RYR3: variants seen among roughly 807,000 people sequenced by gnomAD.
The protein encoded by RYR3 is brain ryanodine receptor-calcium release channel.
Under a neutral mutation model 584.3 loss-of-function variants are expected in RYR3, and 207 were observed. The observed-to-expected ratio is 0.35, with a 90% CI of 0.32 to 0.40. RYR3 has a LOEUF of 0.40. Among genes scored for constraint, RYR3 ranks in the 10% least tolerant of loss-of-function variants. RYR3 has a pLI of 1.00. For synonymous variants in RYR3, 2,416 were observed against 2,248.5 expected (o/e 1.07, Z -2.11); for missense variants, 5,616 against 6,089.2 (o/e 0.92, Z 2.59).
intron 43 of RYR3, among the ~76,000 whole-genome samples, chr15:33,708,604 C>T (rs1322265291): frequency 6.6e-6 from 1 of 152,202 alleles, no homozygotes; most frequent in East Asian, 1.9e-4. Context: ...CTCTGGCAAA[C>T]TGGCCCATCA....
Position 33,742,352 on chromosome 15 carries a change from TC to T in RYR3, c.7821-12del. ...TGCTTGGGGAGGTTGTAATTTTTTT[TC>T]CTCATTTCACAGTTTTTCCTTGCCT... On this transcript the variant is annotated splice_polypyrimidine_tract_variant and intron_variant, in intron 51 of 103. Coordinates refer to ENST00000634891, the MANE Select transcript of RYR3 (RefSeq NM_001036.6). 1 of 1,586,624 alleles carries T rather than the reference TC, an allele frequency of 6.3e-7. No homozygotes were observed. Among genetic ancestry groups the T allele is most frequent in the Non-Finnish European group, 8.7e-7 (1 of 1,155,062 alleles).
chr15:33,559,353 G>A (rs1031277217), intron 10 of RYR3, among the ~76,000 whole-genome samples: 1 of 152,164 alleles, frequency 6.6e-6, no homozygotes, highest in African/African-American at 2.4e-5. Flanking sequence ...AGCCATGTGA[G>A]GAGACACAGG....
rs2065843364 is a variant in RYR3 at position 33,696,097 on chromosome 15, T to C, written c.5861-121T>C. On this transcript the variant is annotated intron_variant, in intron 38 of 103. Transcript: ENST00000634891. ...GGCATGAGCCACTGCACATTGCCTATAATAAGAATTTTGTAACCTCAACCA... is the reference window on the plus strand; with the variant it reads ...GGCATGAGCCACTGCACATTGCCTACAATAAGAATTTTGTAACCTCAACCA... 31 of 905,870 alleles carry C rather than the reference T, an allele frequency of 3.4e-5. No individual in the cohort carries two copies. The South Asian group carries it at 5.2e-4, about 15-fold the overall frequency. The allele number at this position is 905,870 out of a possible 1,614,324, so 56.1% of individuals were successfully genotyped here. A position where few individuals can be genotyped will look rare whatever the true frequency, so the allele number is the denominator to read the frequency against.
At chr15:33,486,393 T>TC (rs757386186) in intron 2 of RYR3, among the ~76,000 whole-genome samples, 16 of 152,250 alleles carry the variant, frequency 1.1e-4, no homozygotes, top group Admixed American at 4.6e-4. Flanking sequence ...GTGGCTTTTT[T>TC]CTCTGTGCAC....
chr15:33,632,870 A>G (rs2061335100), intron 23 of RYR3, 79 bp from the exon 24 acceptor site: 1 of 1,269,828 alleles, frequency 7.9e-7, no homozygotes, highest in Non-Finnish European at 1.1e-6. Flanking sequence ...CGTTCTTACC[A>G]TGTGCTCTTG....
Position 33,748,211 on chromosome 15 carries a change from T to G in RYR3, c.8087T>G (p.Val2696Gly). ...AGGACCAAAGAGGGAGAAGCTTTGG[T>G]TCAACAGCGGGAAAATGAGAAGCTT... ...VERTKEGEAL[V>G]QQRENEKLRS... Residue 2696 changes from valine (V) to glycine (G), a missense_variant, in exon 54 of 104, where the codon GTT (valine) becomes GGT (glycine). Val to Gly is a moderately radical substitution (Grantham distance 109). Transcript: ENST00000634891. 2 of 1,613,872 alleles carry G rather than the reference T, an allele frequency of 1.2e-6. No homozygotes were observed. Among genetic ancestry groups the G allele is most frequent in the Non-Finnish European group, 1.7e-6 (2 of 1,179,864 alleles).
Position 33,843,579 on chromosome 15 carries a change from T to G in RYR3, c.13296+5T>G, listed in dbSNP as rs757712334. On this transcript the variant is annotated splice_donor_5th_base_variant and intron_variant, in intron 92 of 103. Coordinates refer to ENST00000634891, the MANE Select transcript of RYR3 (RefSeq NM_001036.6). ...TTCATCCTGCTTTTTTATAAGGTGA[T>G]ACTTCATTCAGGGGTTATTTGCTAA... The G allele has an allele frequency of 6.4e-7, 1 of 1,563,396 alleles. No homozygotes were observed. The highest frequency in any genetic ancestry group is 1.8e-5 in the Admixed American group (1 of 54,860).
chr15:33,794,051 TAA>T (rs1345428480), intron 67 of RYR3, among the ~76,000 whole-genome samples: 1 of 22,258 alleles, frequency 4.5e-5, no homozygotes, highest in African/African-American at 1.1e-4. Context: ...TACATATATA[TAA>T]ATATATACAT....
In RYR3 at chr15:33,646,504, G is replaced by T; in HGVS notation, c.3919G>T (p.Asp1307Tyr). 4 of 1,612,616 alleles carry T rather than the reference G, an allele frequency of 2.5e-6. No homozygotes were observed. The South Asian group carries it at 4.4e-5, about 18-fold the overall frequency. The change falls in exon 29 of 104, where the codon GAC becomes TAC. Residue 1307 changes from aspartate to tyrosine, a missense_variant. Transcript: ENST00000634891. ...CTCCTTCAGCCACAGCCCCTGTCTG[G>T]ACAGTGAAGCTTTCCAGAAAAGGTG... ...HSSFSHSPCL[D>Y]SEAFQKRKQM...
chr15:33,611,282 C>T (rs937261481), intron 18 of RYR3, among the ~76,000 whole-genome samples: 1 of 152,120 alleles, frequency 6.6e-6, no homozygotes, highest in African/African-American at 2.4e-5. Context: ...TGGGGCTGGG[C>T]GCGGTGGCTC....
chr15:33,347,502 A>AGTG (rs1443711965), intron 1 of RYR3, among the ~76,000 whole-genome samples: 1 of 149,692 alleles, frequency 6.7e-6, no homozygotes, highest in African/African-American at 2.5e-5. Flanking sequence ...GCTGGAGTGC[A>AGTG]GTGGTGCTAT....
At chr15:33,353,824 T>C (rs868809617) in intron 1 of RYR3, among the ~76,000 whole-genome samples, 1 of 152,294 alleles carries the variant, frequency 6.6e-6, no homozygotes, top group Middle Eastern at 3.4e-3. Context: ...AGGCATCCTA[T>C]ATAAGAATAA....
chr15:33,643,337 TC>T (rs1448082675), intron 27 of RYR3, among the ~76,000 whole-genome samples: 2 of 152,172 alleles, frequency 1.3e-5, no homozygotes, highest in African/African-American at 2.4e-5. Flanking sequence ...ATTAGCGCTT[TC>T]CCTGTGTTGC....
intron 76 of RYR3, among the ~76,000 whole-genome samples, chr15:33,819,293 G>A (rs940897007): frequency 6.6e-6 from 1 of 152,188 alleles, no homozygotes; most frequent in Non-Finnish European, 1.5e-5. Context: ...GAATCAGAGT[G>A]GGGGAAGGGA....
Position 33,788,333 on chromosome 15 carries a change from G to A in RYR3, c.9705G>A (p.Gln3235=), listed in dbSNP as rs1596588961. 9 of 1,613,876 alleles carry A rather than the reference G, an allele frequency of 5.6e-6. No individual in the cohort carries two copies. In the African/African-American group the frequency reaches 8.0e-5, roughly 14 times the overall value. Residue 3235 remains glutamine (Q), a synonymous_variant, in exon 67 of 104, where the codon CAG becomes CAA. Coordinates refer to ENST00000634891, the MANE Select transcript of RYR3 (RefSeq NM_001036.6). ...KAVKTVQEEE[Q]LKADGKGDTQ... ...TCAAGACGGTGCAGGAGGAGGAGCA[G>A]TTGAAAGCCGATGGCAAAGGGGACA...
intron 27 of RYR3, among the ~76,000 whole-genome samples, chr15:33,640,952 A>G (rs539966853): frequency 6.6e-6 from 1 of 152,246 alleles, no homozygotes; most frequent in African/African-American, 2.4e-5. Flanking sequence ...ATCCTTCTTT[A>G]TGACAGATAG....
intron 38 of RYR3, among the ~76,000 whole-genome samples, chr15:33,686,316 A>G (rs1450011581): frequency 1.3e-5 from 2 of 152,230 alleles, no homozygotes; most frequent in Non-Finnish European, 2.9e-5. Context: ...CAAATAAACT[A>G]GAAAATCTAG....
At chr15:33,740,136 C>T (rs1596376974) in intron 51 of RYR3, 141 bp downstream of exon 51, 1 of 701,350 alleles carries the variant, frequency 1.4e-6, no homozygotes, top group Non-Finnish European at 2.4e-6. Context: ...TGTGTCAAGT[C>T]CCATCAGGCA....
At chr15:33,404,589 GT>G (rs57118667) in intron 1 of RYR3, among the ~76,000 whole-genome samples, 7,799 of 144,312 alleles carry the variant, frequency 0.054, 543 homozygotes, top group African/African-American at 0.16. Flanking sequence ...ACTACTGTGT[GT>G]TTTTTTTTTT....
Sources: allele counts gnomAD v4.1 joint callset (sites outside exome capture counted in the v4.1 genomes callset), GRCh38; gene constraint gnomAD v4.1.1; transcripts MANE v1.5; gene names NCBI Gene and HGNC (gene_info 2026-07-23, HGNC 2026-07-21).